The following PARD3 variants were observed in gnomAD, a reference collection of about 807,000 sequenced individuals.
The protein encoded by PARD3 is par-3 family cell polarity regulator, also known as partitioning defective 3 homolog.
In PARD3, 75 loss-of-function variants were observed where a neutral mutation model predicts 155.4. The ratio of observed to expected loss-of-function variants is 0.48; its 90% CI spans 0.40 to 0.58. The LOEUF (loss-of-function observed/expected upper bound fraction) is 0.58, where lower values mean the gene tolerates loss of function less well. Among genes scored for constraint, PARD3 ranks in the 20% least tolerant of loss-of-function variants. PARD3 has a pLI of 0.00. For synonymous variants in PARD3, 576 were observed against 610.5 expected, an observed-to-expected ratio of 0.94 and a Z score of 0.83; for missense variants, 1,642 against 1,721.7, an observed-to-expected ratio of 0.95 and a Z score of 0.82.
At chr10:34,586,641 G>A (rs1242909206) in intron 2 of PARD3, among the ~76,000 whole-genome samples, 2 of 152,196 alleles carry the variant, frequency 1.3e-5, no homozygotes, top group Non-Finnish European at 2.9e-5. Context: ...TTTGCTAGAT[G>A]ATTCTAAGCA....
intron 22 of PARD3, among the ~76,000 whole-genome samples, chr10:34,165,274 C>T (rs758012346): frequency 1.3e-5 from 2 of 152,170 alleles, no homozygotes; most frequent in Non-Finnish European, 2.9e-5. Context: ...TGGAGTCTCA[C>T]ATCCATCCCT....
intron 5 of PARD3, among the ~76,000 whole-genome samples, chr10:34,419,360 T>A (rs1845973877): frequency 6.6e-6 from 1 of 151,874 alleles, no homozygotes; most frequent in South Asian, 2.1e-4. Flanking sequence ...CTACTAAAAA[T>A]ACAAAAATTA....
intron 20 of PARD3, among the ~76,000 whole-genome samples, chr10:34,289,472 G>A (rs1431497907): frequency 6.6e-6 from 1 of 151,988 alleles, no homozygotes; most frequent in Admixed American, 6.5e-5. Flanking sequence ...CTACAGGCGT[G>A]AGCCACTGCA....
chr10:34,416,514 G>C (rs1262840525), intron 5 of PARD3, among the ~76,000 whole-genome samples: 1 of 152,172 alleles, frequency 6.6e-6, no homozygotes, highest in African/African-American at 2.4e-5. Flanking sequence ...AGCAAACTCA[G>C]ATCTTCATTA....
intron 14 of PARD3, among the ~76,000 whole-genome samples, chr10:34,353,792 A>G (rs1176328847): frequency 6.6e-6 from 1 of 151,772 alleles, no homozygotes; most frequent in Non-Finnish European, 1.5e-5. Flanking sequence ...CCTTTGAGGT[A>G]AGTGAAAACA....
At chr10:34,623,215 A>C (rs908286424) in intron 2 of PARD3, among the ~76,000 whole-genome samples, 8 of 152,178 alleles carry the variant, frequency 5.3e-5, no homozygotes, top group African/African-American at 1.9e-4. Context: ...ATTAACACAT[A>C]CAAGAGAAGC....
At chr10:34,206,441 G>A (rs997215357) in intron 22 of PARD3, among the ~76,000 whole-genome samples, 4 of 152,240 alleles carry the variant, frequency 2.6e-5, no homozygotes, top group African/African-American at 7.2e-5. Context: ...AGATTTGTCA[G>A]CTCCTATTGA....
chr10:34,414,466 C>CACA (rs1200293563), intron 5 of PARD3, among the ~76,000 whole-genome samples: 1 of 151,946 alleles, frequency 6.6e-6, no homozygotes, highest in Non-Finnish European at 1.5e-5. Context: ...AGTTTTAAAT[C>CACA]ACATCCTCGG....
intron 7 of PARD3, among the ~76,000 whole-genome samples, chr10:34,393,781 G>A (rs1843062156): frequency 6.6e-6 from 1 of 151,348 alleles, no homozygotes; most frequent in Admixed American, 6.6e-5. Flanking sequence ...TAGGGGAAAA[G>A]ATTTAGAGTA....
At chr10:34,537,787 C>A (rs2083323799) in intron 2 of PARD3, among the ~76,000 whole-genome samples, 1 of 152,236 alleles carries the variant, frequency 6.6e-6, no homozygotes, top group Non-Finnish European at 1.5e-5. Context: ...CAAACACTGA[C>A]CACATTAGTG....
intron 2 of PARD3, among the ~76,000 whole-genome samples, chr10:34,530,261 A>C (rs2082754186): frequency 6.6e-6 from 1 of 152,164 alleles, no homozygotes; most frequent in African/African-American, 2.4e-5. Flanking sequence ...TTCTCTAAAA[A>C]TATTTCCATA....
chr10:34,180,557 A>G (rs1471733986), intron 22 of PARD3, among the ~76,000 whole-genome samples: 1 of 152,206 alleles, frequency 6.6e-6, no homozygotes, highest in Non-Finnish European at 1.5e-5. Context: ...AAATGATTTA[A>G]CACATGAAAA....
intron 1 of PARD3, among the ~76,000 whole-genome samples, chr10:34,801,792 C>T (rs541068301): frequency 6.6e-6 from 1 of 152,224 alleles, no homozygotes; most frequent in South Asian, 2.1e-4. Flanking sequence ...GTGTTATGGG[C>T]ACATGAATTA....
intron 2 of PARD3, among the ~76,000 whole-genome samples, chr10:34,577,758 A>G (rs2134219228): frequency 6.6e-6 from 1 of 152,352 alleles, no homozygotes. Flanking sequence ...ACGTGGGTAC[A>G]TAGATGGATT....
intron 5 of PARD3, among the ~76,000 whole-genome samples, chr10:34,408,815 T>C (rs999532089): frequency 4.0e-5 from 6 of 151,696 alleles, no homozygotes; most frequent in African/African-American, 1.2e-4. Flanking sequence ...AAATACTTTT[T>C]AGAAAAGACA....
intron 1 of PARD3, among the ~76,000 whole-genome samples, chr10:34,709,229 G>C (rs866513109): frequency 6.6e-6 from 1 of 151,958 alleles, no homozygotes; most frequent in African/African-American, 2.4e-5. Context: ...ATAACCAGAA[G>C]GTAATTTTAT....
intron 3 of PARD3, among the ~76,000 whole-genome samples, chr10:34,508,098 AG>A (rs2081193687): frequency 6.6e-6 from 1 of 152,148 alleles, no homozygotes; most frequent in Non-Finnish European, 1.5e-5. Flanking sequence ...AAGAAGTGGG[AG>A]GGGGCACTAA....
chr10:34,633,121 T>A (rs955815777), intron 2 of PARD3, among the ~76,000 whole-genome samples: 1 of 152,200 alleles, frequency 6.6e-6, no homozygotes, highest in Non-Finnish European at 1.5e-5. Context: ...AATGAATAAA[T>A]CAAGTTAACT....
At chr10:34,670,583 C>A (rs1053867594) in intron 2 of PARD3, among the ~76,000 whole-genome samples, 5 of 152,202 alleles carry the variant, frequency 3.3e-5, no homozygotes, top group African/African-American at 1.2e-4. Flanking sequence ...ACTGGAGATT[C>A]TGATTCAGCG....
Sources: gnomAD v4.1 joint callset for allele counts (sites outside exome capture counted in the v4.1 genomes callset) on GRCh38, gnomAD v4.1.1 for gene constraint, MANE v1.5 for transcripts, NCBI Gene and HGNC (gene_info 2026-07-23, HGNC 2026-07-21) for gene names.